The following GDPD5 variants were observed in gnomAD, a reference collection of about 807,000 sequenced individuals.
GDPD5 encodes the protein glycerophosphodiester phosphodiesterase 2.
GDPD5 carries 48 observed loss-of-function variants against 75.1 expected under a neutral mutation model. That is an observed-to-expected ratio of 0.64 (90% CI 0.51 to 0.81). The LOEUF is 0.81. Ranked by LOEUF, GDPD5 falls within the 40% of genes least tolerant of loss-of-function variation. GDPD5 has a pLI of 0.00. For missense variants in GDPD5, 706 were observed against 822.6 expected (o/e 0.86, Z 1.73); for synonymous variants, 336 against 339.0 (o/e 0.99, Z 0.10).
chr11:75,434,715 A>G lies in GDPD5; in HGVS notation c.*792T>C, dbSNP rs1336945096. The G allele has an allele frequency of 1.3e-5, 2 of 152,008 alleles. No individual in the cohort carries two copies. The highest frequency in any genetic ancestry group is 2.9e-5 in the Non-Finnish European group (2 of 68,024). The allele number at this position is 152,008 out of a possible 1,614,324, so 9.4% of individuals were successfully genotyped here. A position where few individuals can be genotyped will look rare whatever the true frequency, so the allele number is the denominator to read the frequency against. ...TTCAGGCCCACTTAGCCACACACCC[A>G]CCCTGGCCATATCCAGAACACTTCT... On this transcript the variant is annotated 3_prime_UTR_variant, in exon 17 of 17. Coordinates refer to ENST00000336898, the MANE Select transcript of GDPD5 (RefSeq NM_030792.8).
chr11:75,503,621 A>T (rs567936675), intron 1 of GDPD5, among the ~76,000 whole-genome samples: 1 of 152,218 alleles, frequency 6.6e-6, no homozygotes, highest in Non-Finnish European at 1.5e-5. Context: ...TGAATAAATG[A>T]GCGAAGGAAG....
chr11:75,436,025 A>G (rs927400623), intron 16 of GDPD5, among the ~76,000 whole-genome samples: 1 of 152,090 alleles, frequency 6.6e-6, no homozygotes, highest in South Asian at 2.1e-4. Context: ...TCTGTCACTC[A>G]GCCTCCTGGG....
chr11:75,501,578 CTGGTGCTCGGGGCTCCAGAG>C (rs1382755977), intron 1 of GDPD5, among the ~76,000 whole-genome samples: 2 of 152,198 alleles, frequency 1.3e-5, no homozygotes, highest in African/African-American at 4.8e-5. Context: ...GGGCTCCAGG[CTGGTGCTCGGGGCTCCAGAG>C]CAGGGGCTCA....
intron 12 of GDPD5, 57 bp downstream of exon 12, chr11:75,442,306 G>T: frequency 7.6e-7 from 1 of 1,323,278 alleles, no homozygotes; most frequent in Non-Finnish European, 1.0e-6. Flanking sequence ...CTATGCAGCA[G>T]CAGGGCTCTA....
rs748294302 is a variant in GDPD5 at position 75,462,869 on chromosome 11, C to T, written c.138G>A (p.Leu46=). The change falls in exon 4 of 17, where the codon CTG becomes CTA. Residue 46 remains leucine, a synonymous_variant. Coordinates refer to ENST00000336898, the MANE Select transcript of GDPD5 (RefSeq NM_030792.8). Reference sequence around the variant, plus strand: ...TGAGGCCAAAGGTGAAGGTGAGGAGCAGGAACCAGAGGCGCTCCCACTGGA... The same window carrying T: ...TGAGGCCAAAGGTGAAGGTGAGGAGTAGGAACCAGAGGCGCTCCCACTGGA... ...DTTPWERLWF[L]LLTFTFGLTL... is the part of the protein sequence containing the mutation. 2.0e-5 allele frequency: 32 copies of T among 1,614,018 alleles called. No individual in the cohort carries two copies. In the Admixed American group the frequency reaches 3.8e-4, roughly 19 times the overall value.
intron 1 of GDPD5, among the ~76,000 whole-genome samples, chr11:75,522,865 C>T (rs1159148779): frequency 2.0e-5 from 3 of 152,078 alleles, no homozygotes; most frequent in African/African-American, 7.2e-5. Context: ...CCAGGCACCA[C>T]AGCCCTGCCA....
chr11:75,477,963 CCTGTCCT>C, intron 2 of GDPD5, 168 bp from the exon 3 acceptor site: 1 of 378,442 alleles, frequency 2.6e-6, no homozygotes, highest in Admixed American at 4.3e-5. Flanking sequence ...TCCCCAAGGA[CCTGTCCT>C]CTGCCTCCCA....
chr11:75,515,346 A>C (rs1950614974), intron 1 of GDPD5, among the ~76,000 whole-genome samples: 2 of 152,204 alleles, frequency 1.3e-5, no homozygotes, highest in African/African-American at 4.8e-5. Flanking sequence ...CCTCTTGGGC[A>C]AGGCTCAGTC....
chr11:75,521,323 T>C (rs910061568), intron 1 of GDPD5, among the ~76,000 whole-genome samples: 1 of 152,192 alleles, frequency 6.6e-6, no homozygotes, highest in African/African-American at 2.4e-5. Flanking sequence ...TTCAAGGTAC[T>C]TGGGTGGAGG....
intron 9 of GDPD5, among the ~76,000 whole-genome samples, chr11:75,447,038 C>T (rs1949003004): frequency 6.6e-6 from 1 of 152,114 alleles, no homozygotes; most frequent in South Asian, 2.1e-4. Flanking sequence ...CATGTACCAC[C>T]ACATCCAGCT....
chr11:75,501,564 G>A (rs981071579), intron 1 of GDPD5, among the ~76,000 whole-genome samples: 1 of 152,188 alleles, frequency 6.6e-6, no homozygotes, highest in African/African-American at 2.4e-5. Flanking sequence ...CTTTGGCTGG[G>A]CCAGGGCTCC....
chr11:75,449,425 CCACCCCCAGGG>C, intron 8 of GDPD5, 81 bp downstream of exon 8: 1 of 1,305,258 alleles, frequency 7.7e-7, no homozygotes, highest in South Asian at 1.3e-5. Flanking sequence ...CATCCCCAGG[CCACCCCCAGGG>C]AAAGCCCAGG....
At chr11:75,466,013 G>A (rs549269275) in intron 3 of GDPD5, among the ~76,000 whole-genome samples, 41 of 152,352 alleles carry the variant, frequency 2.7e-4, no homozygotes, top group African/African-American at 9.4e-4. Flanking sequence ...TTGTCCTCAA[G>A]TGTCCAGATC....
intron 1 of GDPD5, among the ~76,000 whole-genome samples, chr11:75,515,619 G>A (rs1036891844): frequency 6.6e-6 from 1 of 152,208 alleles, no homozygotes; most frequent in Non-Finnish European, 1.5e-5. Flanking sequence ...CCAGAACTGT[G>A]GCAATGACTG....
At chr11:75,457,403 G>A (rs1016829192) in intron 5 of GDPD5, among the ~76,000 whole-genome samples, 1 of 152,202 alleles carries the variant, frequency 6.6e-6, no homozygotes, top group Non-Finnish European at 1.5e-5. Context: ...AGCCCGAGAG[G>A]CCCTGGGCAA....
chr11:75,482,639 G>C (rs1949944328), intron 2 of GDPD5, among the ~76,000 whole-genome samples: 1 of 152,158 alleles, frequency 6.6e-6, no homozygotes, highest in African/African-American at 2.4e-5. Flanking sequence ...ACCTGCAGCT[G>C]GACTGAACTT....
chr11:75,498,648 C>T (rs769500696), intron 1 of GDPD5, among the ~76,000 whole-genome samples: 7 of 152,230 alleles, frequency 4.6e-5, no homozygotes, highest in Non-Finnish European at 8.8e-5. Context: ...ACAATGGGGG[C>T]GGGAGCTCTG....
At chr11:75,493,244 C>CACACAA (rs1352971656) in intron 1 of GDPD5, among the ~76,000 whole-genome samples, 5 of 151,608 alleles carry the variant, frequency 3.3e-5, no homozygotes, top group Non-Finnish European at 7.4e-5. Flanking sequence ...CACACACACA[C>CACACAA]ACACACACAC....
chr11:75,482,909 C>T (rs570918982), intron 2 of GDPD5, among the ~76,000 whole-genome samples: 3 of 152,354 alleles, frequency 2.0e-5, no homozygotes, highest in African/African-American at 7.2e-5. Flanking sequence ...GGGAGCAACA[C>T]AGGGCAGCAA....
Sources: allele counts gnomAD v4.1 joint callset (sites outside exome capture counted in the v4.1 genomes callset), GRCh38; gene constraint gnomAD v4.1.1; transcripts MANE v1.5; gene names NCBI Gene and HGNC (gene_info 2026-07-23, HGNC 2026-07-21).